Variants in MYO5B observed in about 807,000 individuals in gnomAD.
The protein encoded by MYO5B is unconventional myosin-Vb.
MYO5B carries 143 observed loss-of-function variants against 229.3 expected under a neutral mutation model. The observed-to-expected ratio is 0.62, with a 90% CI of 0.54 to 0.72. MYO5B has a LOEUF of 0.72. Among genes scored for constraint, MYO5B ranks in the 30% least tolerant of loss-of-function variants. MYO5B has a pLI of 0.00. For missense variants in MYO5B, 2,321 were observed against 2,331.0 expected (o/e 1.00, Z 0.09); for synonymous variants, 918 against 885.2 (o/e 1.04, Z -0.66).
At chr18:49,886,828 T>C (rs562789098) in intron 22 of MYO5B, among the ~76,000 whole-genome samples, 1 of 152,192 alleles carries the variant, frequency 6.6e-6, no homozygotes, top group African/African-American at 2.4e-5. Flanking sequence ...GCCCCTAGTA[T>C]GACACAGGGC....
intron 14 of MYO5B, among the ~76,000 whole-genome samples, chr18:49,947,032 A>C (rs138707162): frequency 4.6e-5 from 7 of 151,708 alleles, no homozygotes; most frequent in Admixed American, 2.0e-4. Context: ...CTACGTAAGG[A>C]TACCTCACCT....
chr18:49,949,300 C>A (rs1473288817), intron 14 of MYO5B, among the ~76,000 whole-genome samples: 3 of 151,160 alleles, frequency 2.0e-5, no homozygotes. Flanking sequence ...TAAATTATTC[C>A]TTTTCACAAT....
intron 1 of MYO5B, among the ~76,000 whole-genome samples, chr18:50,087,492 G>A (rs1026654399): frequency 4.7e-5 from 7 of 149,812 alleles, no homozygotes; most frequent in African/African-American, 1.7e-4. Context: ...AGAATCGCTT[G>A]AACCTGGGAA....
At position 49,894,931 on chromosome 18, in the gene MYO5B, C is replaced by T; in HGVS notation, c.3045+10G>A. On this transcript the variant is annotated intron_variant, in intron 22 of 39. Transcript: ENST00000285039. ...GCTTGCCAGCGCCTGCCCCTCTGGCCTGAGCATACCTTCCTCAGCTCATCT... is the reference window on the plus strand; with the variant it reads ...GCTTGCCAGCGCCTGCCCCTCTGGCTTGAGCATACCTTCCTCAGCTCATCT... 6.2e-7 allele frequency: 1 copy of T among 1,611,132 alleles called. No individual in the cohort carries two copies. Among genetic ancestry groups the T allele is most frequent in the Non-Finnish European group, 8.5e-7 (1 of 1,179,500 alleles).
rs79863021 is a variant in MYO5B at position 50,117,548 on chromosome 18, A to G, written c.28-62170T>C. 4.1e-3 allele frequency among the ~76,000 whole-genome samples: 628 copies of G among 152,230 alleles called. 25 individuals are homozygous for G. The East Asian group carries it at 0.1, about 25-fold the overall frequency. On this transcript the variant is annotated intron_variant, in intron 1 of 39. Transcript: ENST00000285039. The stretch of plus-strand genomic sequence containing the variant: ...CCTGGGAGTCTTTCTTCCTCTCTAG[A>G]GGAAAAACTTGTAACTTACAAAATG...
intron 1 of MYO5B, among the ~76,000 whole-genome samples, chr18:50,059,824 T>A (rs2030642956): frequency 6.6e-6 from 1 of 152,240 alleles, no homozygotes; most frequent in South Asian, 2.1e-4. Flanking sequence ...AATTTATAGA[T>A]CTTCCAAGGG....
At chr18:50,147,192 C>T (rs965739479) in intron 1 of MYO5B, among the ~76,000 whole-genome samples, 2 of 152,316 alleles carry the variant, frequency 1.3e-5, no homozygotes, top group African/African-American at 2.4e-5. Context: ...CAGCCCAACA[C>T]GCCTTTCAGA....
chr18:50,042,398 T>C (rs114247845), intron 2 of MYO5B, among the ~76,000 whole-genome samples: 1,582 of 152,336 alleles, frequency 0.01, 27 homozygotes, highest in African/African-American at 0.035. Context: ...CAAAATATCA[T>C]TGGTTATCTT....
intron 12 of MYO5B, among the ~76,000 whole-genome samples, chr18:49,959,251 T>C (rs2025530138): frequency 6.6e-6 from 1 of 152,234 alleles, no homozygotes. Flanking sequence ...AGTGCTTGCC[T>C]GACCCTCTCA....
intron 4 of MYO5B, among the ~76,000 whole-genome samples, chr18:50,024,889 C>T (rs373529084): frequency 2.6e-5 from 4 of 152,280 alleles, no homozygotes; most frequent in African/African-American, 7.2e-5. Context: ...TTGGGGAGTT[C>T]CTTTAAGTCA....
At position 50,077,168 on chromosome 18, in the gene MYO5B, T is replaced by TAAAAAAAAAA. The variant is rs71169476; in HGVS notation, c.28-21800_28-21791dup. ...TTAGGGTTAATTTATTGTGGCAAAG[T>TAAAAAAAAAA]AAAAAAAAAAAAAAAAAAAAAAAAA... On this transcript the variant is annotated intron_variant, in intron 1 of 39. Coordinates refer to ENST00000285039, the MANE Select transcript of MYO5B (RefSeq NM_001080467.3). Among the ~76,000 whole-genome samples, 62 of 81,206 alleles carry TAAAAAAAAAA rather than the reference T, an allele frequency of 7.6e-4. 4 individuals carry two copies. The highest frequency in any genetic ancestry group is 3.0e-3 in the South Asian group (5 of 1,664). 53.3% of individuals were successfully genotyped at this position (81,206 alleles called of 152,430 possible).
chr18:49,898,060 G>T (rs764509198), intron 21 of MYO5B, among the ~76,000 whole-genome samples: 1 of 152,146 alleles, frequency 6.6e-6, no homozygotes, highest in African/African-American at 2.4e-5. Flanking sequence ...GTAACATGCT[G>T]TACAGGTTTG....
intron 8 of MYO5B, among the ~76,000 whole-genome samples, chr18:49,981,230 G>A (rs1444639683): frequency 6.6e-6 from 1 of 152,250 alleles, no homozygotes; most frequent in Non-Finnish European, 1.5e-5. Context: ...AGCTTGCAAG[G>A]CATTGGCGTT....
At chr18:50,091,225 G>A (rs1238559834) in intron 1 of MYO5B, among the ~76,000 whole-genome samples, 1 of 152,156 alleles carries the variant, frequency 6.6e-6, no homozygotes, top group Non-Finnish European at 1.5e-5. Flanking sequence ...TTTATAAAGG[G>A]AGTGGAGGCC....
chr18:49,973,717 G>C (rs1464255233), intron 10 of MYO5B, among the ~76,000 whole-genome samples: 1 of 152,144 alleles, frequency 6.6e-6, no homozygotes, highest in Non-Finnish European at 1.5e-5. Flanking sequence ...GATTCACTCA[G>C]CTGGTTGGTG....
At position 49,880,357 on chromosome 18, in the gene MYO5B, GCTTTGGTA is replaced by G. The variant is rs1036652937; in HGVS notation, c.3130+6_3130+13del. ...TTAAAACCCCAAATAAAACTCAAGT[GCTTTGGTA>G]CTTACCTTTAGACTGGCACAGGATT... is the stretch of plus-strand genomic sequence containing the variant. On this transcript the variant is annotated splice_donor_region_variant and intron_variant, in intron 23 of 39. Coordinates refer to ENST00000285039, the MANE Select transcript of MYO5B (RefSeq NM_001080467.3). 1 of 1,607,900 alleles carries G rather than the reference GCTTTGGTA, an allele frequency of 6.2e-7. No individual in the cohort carries two copies. Among genetic ancestry groups the G allele is most frequent in the Admixed American group, 1.7e-5 (1 of 60,006 alleles).
At chr18:49,926,856 T>C (rs1319122017) in intron 17 of MYO5B, among the ~76,000 whole-genome samples, 1 of 152,014 alleles carries the variant, frequency 6.6e-6, no homozygotes. Flanking sequence ...AGGAAGAAAG[T>C]TTTGACACAC....
intron 14 of MYO5B, among the ~76,000 whole-genome samples, chr18:49,946,701 G>T (rs2025377218): frequency 6.6e-6 from 1 of 152,118 alleles, no homozygotes; most frequent in Non-Finnish European, 1.5e-5. Context: ...TTAGTCTGAA[G>T]AATTTGTATG....
chr18:50,118,755 G>A (rs866688605), intron 1 of MYO5B, among the ~76,000 whole-genome samples: 1 of 151,944 alleles, frequency 6.6e-6, no homozygotes, highest in South Asian at 2.1e-4. Context: ...CTCCTGAGTA[G>A]CTGGGACTAC....
Sources: allele counts gnomAD v4.1 joint callset (sites outside exome capture counted in the v4.1 genomes callset), GRCh38; gene constraint gnomAD v4.1.1; transcripts MANE v1.5; gene names NCBI Gene and HGNC (gene_info 2026-07-23, HGNC 2026-07-21).